Variants in CCDC7 observed in about 807,000 individuals in gnomAD.
CCDC7 encodes the protein coiled-coil domain-containing protein 7.
A neutral mutation model predicts 196.9 loss-of-function variants in CCDC7; 183 were observed. That is an observed-to-expected ratio of 0.93 (90% confidence interval 0.82 to 1.05). CCDC7 has a LOEUF of 1.05. Among genes scored for constraint, CCDC7 ranks in the 50% least tolerant of loss-of-function variants. The probability of loss-of-function intolerance (pLI) is 0.00; values close to 1 mark genes in which losing one functional copy is unlikely to be tolerated. For missense variants in CCDC7, 1,540 were observed against 1,482.2 expected (o/e 1.04, Z -0.64); for synonymous variants, 525 against 484.6 (o/e 1.08, Z -1.10).
chr10:32,479,271 A>C (rs2039548504), intron 8 of CCDC7, among the ~76,000 whole-genome samples: 1 of 152,118 alleles, frequency 6.6e-6, no homozygotes, highest in Non-Finnish European at 1.5e-5. Flanking sequence ...TAGAAGTGGC[A>C]AGAATGGGCA....
At chr10:32,758,209 C>T (rs938992410) in intron 28 of CCDC7, among the ~76,000 whole-genome samples, 3 of 152,038 alleles carry the variant, frequency 2.0e-5, no homozygotes, top group African/African-American at 7.2e-5. Flanking sequence ...GAAACTATTC[C>T]AATGAATAGA....
At chr10:32,489,648 C>G (rs1320653310) in intron 8 of CCDC7, among the ~76,000 whole-genome samples, 1 of 152,150 alleles carries the variant, frequency 6.6e-6, no homozygotes, top group South Asian at 2.1e-4. Context: ...GCTTAGCTCA[C>G]TGTGGCAGTG....
Position 32,779,081 on chromosome 10 carries a change from GT to G in CCDC7, c.3011del (p.Val1004AlafsTer5). On this transcript the variant is annotated frameshift_variant and splice_region_variant, in exon 29 of 42. Coordinates refer to ENST00000639629, the Ensembl canonical transcript of CCDC7. LOFTEE classifies it high-confidence loss of function. ...AATTCAATTTGATTTAAACAAAGTG[GT>G]CGGTAAGTATAGATTTATGTTTGGA... is the stretch of plus-strand genomic sequence containing the variant. 2 of 1,539,122 alleles carry G rather than the reference GT, an allele frequency of 1.3e-6. No homozygotes were observed. Among genetic ancestry groups the G allele is most frequent in the South Asian group, 2.4e-5 (2 of 83,742 alleles).
intron 8 of CCDC7, among the ~76,000 whole-genome samples, chr10:32,476,883 C>A (rs907223739): frequency 6.6e-6 from 1 of 152,004 alleles, no homozygotes; most frequent in Non-Finnish European, 1.5e-5. Context: ...GGTCTTTTAC[C>A]CATTTTAAAA....
At chr10:32,746,953 G>A (rs965887593) in intron 28 of CCDC7, among the ~76,000 whole-genome samples, 1 of 152,218 alleles carries the variant, frequency 6.6e-6, no homozygotes, top group Non-Finnish European at 1.5e-5. Context: ...GCCAGCACAT[G>A]CACATGTGCA....
At chr10:32,485,187 G>T (rs1251995537) in intron 8 of CCDC7, among the ~76,000 whole-genome samples, 1 of 152,238 alleles carries the variant, frequency 6.6e-6, no homozygotes, top group East Asian at 1.9e-4. Flanking sequence ...CCTGTTATTG[G>T]TTTATTCAGA....
At chr10:32,837,672 T>A (rs1243448538) in intron 33 of CCDC7, among the ~76,000 whole-genome samples, 2 of 151,752 alleles carry the variant, frequency 1.3e-5, no homozygotes, top group Admixed American at 6.6e-5. Context: ...CTTGGAACCA[T>A]CCCAAATGTC....
rs760493390 is a variant in CCDC7, at chr10:32,517,946, GC to G, written c.875del (p.Ala292ValfsTer2). ...CACTTTTTTTGGTTTATTTTTCAGA[GC>G]TGTAAATGATCAAGTTTTGTTAGAT... On this transcript the variant is annotated frameshift_variant and splice_region_variant, in exon 10 of 42. Coordinates refer to ENST00000639629, the Ensembl canonical transcript of CCDC7. LOFTEE classifies it high-confidence loss of function. 3 of 1,590,986 alleles carry G rather than the reference GC, an allele frequency of 1.9e-6. No homozygotes were observed. The highest frequency in any genetic ancestry group is 2.6e-6 in the Non-Finnish European group (3 of 1,170,522).
At chr10:32,465,258 T>A (rs2036525832) in intron 5 of CCDC7, among the ~76,000 whole-genome samples, 1 of 152,182 alleles carries the variant, frequency 6.6e-6, no homozygotes, top group African/African-American at 2.4e-5. Context: ...CCTTAAGAGT[T>A]TAGCCATGGA....
chr10:32,701,303 A>G lies in CCDC7; in HGVS notation c.2458+6311A>G, dbSNP rs1443328796. Among the ~76,000 whole-genome samples, 8 of 152,276 alleles carry G rather than the reference A, an allele frequency of 5.3e-5. No homozygotes were observed. The East Asian group carries it at 5.8e-4, about 11-fold the overall frequency. On this transcript the variant is annotated intron_variant, in intron 24 of 41. Coordinates refer to ENST00000639629, the Ensembl canonical transcript of CCDC7. ...TTTGTCAAAGGCCTTTTCTTCATCT[A>G]TTGAGATAATCATGTGGTTTGATTT...
intron 13 of CCDC7, among the ~76,000 whole-genome samples, chr10:32,546,966 G>A (rs796509937): frequency 1.3e-5 from 2 of 152,058 alleles, no homozygotes; most frequent in African/African-American, 4.8e-5. Context: ...TAGATTGTTC[G>A]TATCATAGCA....
chr10:32,612,492 G>A (rs192405136), intron 18 of CCDC7, among the ~76,000 whole-genome samples: 102 of 152,202 alleles, frequency 6.7e-4, no homozygotes, highest in African/African-American at 1.3e-3. Context: ...TCCTTGTCTC[G>A]TGCTGGTTTT....
At chr10:32,638,727 G>A (rs1308894445) in intron 20 of CCDC7, among the ~76,000 whole-genome samples, 1 of 152,144 alleles carries the variant, frequency 6.6e-6, no homozygotes, top group African/African-American at 2.4e-5. Context: ...TTTGGTATCA[G>A]GATGATGCTG....
At chr10:32,529,661 C>G (rs1029782802) in intron 11 of CCDC7, among the ~76,000 whole-genome samples, 1 of 152,178 alleles carries the variant, frequency 6.6e-6, no homozygotes, top group African/African-American at 2.4e-5. Context: ...CTTGTAGATT[C>G]TGGATATTAG....
At chr10:32,540,447 A>G (rs562128005) in intron 11 of CCDC7, among the ~76,000 whole-genome samples, 37 of 152,276 alleles carry the variant, frequency 2.4e-4, no homozygotes, top group African/African-American at 8.4e-4. Flanking sequence ...TGAAGATAGC[A>G]TACCCATTGG....
At chr10:32,475,273 A>G (rs954008773) in intron 8 of CCDC7, among the ~76,000 whole-genome samples, 3 of 152,204 alleles carry the variant, frequency 2.0e-5, no homozygotes, top group Admixed American at 1.3e-4. Flanking sequence ...TGGACTGGCA[A>G]TTCTAGACAG....
intron 33 of CCDC7, among the ~76,000 whole-genome samples, chr10:32,841,010 A>G (rs916868032): frequency 6.6e-6 from 1 of 152,184 alleles, no homozygotes; most frequent in East Asian, 1.9e-4. Flanking sequence ...ACATAAGGTA[A>G]TAAAAGCTAT....
chr10:32,687,376 A>C (rs2076578728), intron 22 of CCDC7, among the ~76,000 whole-genome samples: 1 of 152,216 alleles, frequency 6.6e-6, no homozygotes, highest in South Asian at 2.1e-4. Flanking sequence ...CCTTAACCAC[A>C]GTAGTTCCCC....
chr10:32,546,163 T>C (rs1261143625), intron 13 of CCDC7, among the ~76,000 whole-genome samples: 1 of 152,222 alleles, frequency 6.6e-6, no homozygotes, highest in Non-Finnish European at 1.5e-5. Flanking sequence ...ATGCTGTTTA[T>C]GAAAGGATTC....
Sources: gnomAD v4.1 joint callset for allele counts (sites outside exome capture counted in the v4.1 genomes callset) on GRCh38, gnomAD v4.1.1 for gene constraint, MANE v1.5 for transcripts, NCBI Gene and HGNC (gene_info 2026-07-23, HGNC 2026-07-21) for gene names.